Variants in PTPRR observed in about 807,000 individuals in gnomAD.
PTPRR encodes the protein protein tyrosine phosphatase receptor type R, also known as receptor-type tyrosine-protein phosphatase R.
In PTPRR, 38 loss-of-function variants were observed where a neutral mutation model predicts 77.2. That is an observed-to-expected ratio of 0.49 (90% CI 0.38 to 0.65). PTPRR has a LOEUF of 0.65. Ranked by LOEUF, PTPRR falls within the 30% of genes least tolerant of loss-of-function variation. The pLI is 0.00. For synonymous variants in PTPRR, 299 were observed against 283.1 expected (o/e 1.06, Z -0.57); for missense variants, 744 against 799.2 (o/e 0.93, Z 0.83).
intron 2 of PTPRR, among the ~76,000 whole-genome samples, chr12:70,887,043 A>AGT (rs1171923538): frequency 1.3e-5 from 2 of 152,276 alleles, no homozygotes; most frequent in Non-Finnish European, 2.9e-5. Context: ...GGTGTAAGAC[A>AGT]GTGCCCTCCT....
intron 2 of PTPRR, among the ~76,000 whole-genome samples, chr12:70,833,210 G>A (rs1054682188): frequency 6.6e-6 from 1 of 152,106 alleles, no homozygotes; most frequent in African/African-American, 2.4e-5. Context: ...TAAGTAGCAG[G>A]AAAAGAAGCA....
At chr12:70,815,661 C>A (rs1891890274) in intron 2 of PTPRR, among the ~76,000 whole-genome samples, 1 of 152,108 alleles carries the variant, frequency 6.6e-6, no homozygotes, top group Non-Finnish European at 1.5e-5. Context: ...TATAAAACTT[C>A]TGGTAGCTTC....
chr12:70,662,421 A>G (rs1886829501), intron 11 of PTPRR, 74 bp downstream of exon 11: 3 of 817,200 alleles, frequency 3.7e-6, no homozygotes, highest in Non-Finnish European at 5.6e-6. Flanking sequence ...TGTAGTACTT[A>G]AATAATTTCA....
At chr12:70,665,342 G>GT (rs2136681966) in intron 10 of PTPRR, among the ~76,000 whole-genome samples, 1 of 125,422 alleles carries the variant, frequency 8.0e-6, no homozygotes, top group African/African-American at 2.9e-5. Context: ...AAAGTAGGAT[G>GT]TAACACAAAG....
intron 13 of PTPRR, 166 bp from the exon 14 acceptor site, chr12:70,639,443 C>CA (rs898506774): frequency 2.8e-5 from 39 of 1,386,412 alleles, no homozygotes; most frequent in Non-Finnish European, 3.6e-5. Flanking sequence ...TCTCAACTAT[C>CA]AAAGTTAACA....
intron 2 of PTPRR, among the ~76,000 whole-genome samples, chr12:70,853,570 A>T (rs1482602094): frequency 6.6e-6 from 1 of 152,084 alleles, no homozygotes; most frequent in Non-Finnish European, 1.5e-5. Context: ...TCCACTCAAT[A>T]TTGCTCAATC....
intron 6 of PTPRR, among the ~76,000 whole-genome samples, chr12:70,734,106 A>G (rs1889781680): frequency 6.6e-6 from 1 of 152,238 alleles, no homozygotes; most frequent in Admixed American, 6.5e-5. Flanking sequence ...GCTGGGAATT[A>G]TCTGTGCCTG....
At chr12:70,744,660 G>A (rs1890154850) in intron 6 of PTPRR, among the ~76,000 whole-genome samples, 1 of 152,138 alleles carries the variant, frequency 6.6e-6, no homozygotes, top group Admixed American at 6.5e-5. Flanking sequence ...TATTTGCATA[G>A]GGCATTGTGA....
chr12:70,909,549 AGG>A (rs1217637986), intron 1 of PTPRR, among the ~76,000 whole-genome samples: 3 of 152,222 alleles, frequency 2.0e-5, no homozygotes, highest in African/African-American at 7.2e-5. Flanking sequence ...TTTCTCCATC[AGG>A]GTAGAAAAAC....
intron 6 of PTPRR, among the ~76,000 whole-genome samples, chr12:70,702,580 A>T (rs1294893052): frequency 6.6e-6 from 1 of 152,168 alleles, no homozygotes; most frequent in East Asian, 1.9e-4. Flanking sequence ...AATTATTGGA[A>T]TATACAACAA....
At chr12:70,665,023 A>C (rs930241930) in intron 10 of PTPRR, among the ~76,000 whole-genome samples, 1 of 152,306 alleles carries the variant, frequency 6.6e-6, no homozygotes, top group Admixed American at 6.5e-5. Flanking sequence ...TAACAATGAG[A>C]TAAAAGAGGC....
rs191375272 is a variant in PTPRR at position 70,679,105 on chromosome 12, A to C, written c.1497+5022T>G. 1.2e-3 allele frequency among the ~76,000 whole-genome samples: 182 copies of C among 152,286 alleles called. 1 individual carries two copies. Among genetic ancestry groups the C allele is most frequent in the African/African-American group, 3.8e-3 (156 of 41,542 alleles). On this transcript the variant is annotated intron_variant, in intron 10 of 13. Transcript: ENST00000283228. ...TTAGAACAGCTTTTTCTGTATTCCA[A>C]AGACTTTGATATGCTGTCTTTCTAT...
intron 2 of PTPRR, among the ~76,000 whole-genome samples, chr12:70,863,465 C>T (rs908666356): frequency 2.0e-5 from 3 of 152,042 alleles, no homozygotes; most frequent in South Asian, 2.1e-4. Context: ...GCCTAGCATG[C>T]TTTTTAATTT....
chr12:70,847,942 A>G (rs1360772352), intron 2 of PTPRR, among the ~76,000 whole-genome samples: 1 of 152,228 alleles, frequency 6.6e-6, no homozygotes, highest in Admixed American at 6.5e-5. Context: ...AATAACTTGT[A>G]GTCAGTTGCT....
At chr12:70,663,097 C>T (rs1401809517) in intron 10 of PTPRR, among the ~76,000 whole-genome samples, 2 of 152,126 alleles carry the variant, frequency 1.3e-5, no homozygotes, top group African/African-American at 4.8e-5. Flanking sequence ...TGGCATACAA[C>T]CAAGTTTCCT....
intron 2 of PTPRR, among the ~76,000 whole-genome samples, chr12:70,874,824 A>G (rs927614473): frequency 6.8e-6 from 1 of 147,078 alleles, no homozygotes; most frequent in Admixed American, 7.1e-5. Flanking sequence ...CCAGAGCCTG[A>G]GGCAGGGGAA....
intron 5 of PTPRR, among the ~76,000 whole-genome samples, chr12:70,752,340 G>A (rs1427975052): frequency 6.6e-6 from 1 of 152,096 alleles, no homozygotes; most frequent in African/African-American, 2.4e-5. Context: ...TTCTAATAAC[G>A]TTAGAGTCGA....
intron 2 of PTPRR, among the ~76,000 whole-genome samples, chr12:70,766,883 T>C (rs142105055): frequency 0.055 from 8,355 of 152,186 alleles, 279 homozygotes; most frequent in Admixed American, 0.082. Context: ...GAAAAGAATT[T>C]TCAACCCGGA....
intron 5 of PTPRR, among the ~76,000 whole-genome samples, chr12:70,748,416 G>T (rs1369993562): frequency 6.6e-6 from 1 of 152,074 alleles, no homozygotes; most frequent in Non-Finnish European, 1.5e-5. Context: ...ATTTCTCTAT[G>T]GGAATTCACT....
Sources: allele counts gnomAD v4.1 joint callset (sites outside exome capture counted in the v4.1 genomes callset), GRCh38; gene constraint gnomAD v4.1.1; transcripts MANE v1.5; gene names NCBI Gene and HGNC (gene_info 2026-07-23, HGNC 2026-07-21).